CA6: variants seen among roughly 807,000 people sequenced by gnomAD.
CA6 encodes carbonic anhydrase 6.
CA6 carries 28 observed loss-of-function variants against 35.9 expected under a neutral mutation model. The observed-to-expected ratio is 0.78, with a 90% confidence interval of 0.58 to 1.07. The LOEUF (loss-of-function observed/expected upper bound fraction) is 1.07, where lower values mean the gene tolerates loss of function less well. CA6 is among the 50% of genes least tolerant of loss of function. The pLI is 0.00. For synonymous variants in CA6, 148 were observed against 152.6 expected (o/e 0.97, Z 0.22); for missense variants, 377 against 382.0 (o/e 0.99, Z 0.11).
chr1:8,964,523 C>T (rs189016561), intron 5 of CA6, among the ~76,000 whole-genome samples: 8 of 151,852 alleles, frequency 5.3e-5, no homozygotes, highest in East Asian at 3.9e-4. Context: ...TGGGATTACA[C>T]GCATGAGCCA....
At chr1:8,967,858 T>A in intron 6 of CA6, 42 bp downstream of exon 6, 1 of 1,590,978 alleles carries the variant, frequency 6.3e-7, no homozygotes, top group Non-Finnish European at 8.6e-7. Context: ...CCCATTCGAT[T>A]GCCTGGTTAA....
Position 8,957,156 on chromosome 1 carries a change from C to T in CA6, c.279C>T (p.Ser93=), listed in dbSNP as rs1426480798. The T allele has an allele frequency of 1.9e-6, 3 of 1,612,142 alleles. No individual in the cohort carries two copies. The highest frequency in any genetic ancestry group is 1.1e-5 in the South Asian group (1 of 90,862). ...CTCCAGTGCAGATCAGCCTGCCCTC[C>T]ACCATGCGCATGACAGTGGCTGACG... ...NGHTVQISLP[S]TMRMTVADGT... Residue 93 remains serine, a synonymous_variant, in exon 3 of 8, where the codon TCC becomes TCT. Coordinates refer to ENST00000377443, the MANE Select transcript of CA6 (RefSeq NM_001215.4).
intron 2 of CA6, among the ~76,000 whole-genome samples, chr1:8,950,445 T>C (rs1180115824): frequency 2.0e-5 from 3 of 152,094 alleles, no homozygotes; most frequent in Non-Finnish European, 4.4e-5. Context: ...GGCCACACAC[T>C]GTCTAATGGC....
chr1:8,958,169 CT>C (rs532321074), intron 3 of CA6, among the ~76,000 whole-genome samples: 1 of 151,068 alleles, frequency 6.6e-6, no homozygotes, highest in South Asian at 2.1e-4. Flanking sequence ...GTTAGATTTT[CT>C]TTTTTTTTGT....
intron 5 of CA6, among the ~76,000 whole-genome samples, chr1:8,965,886 CAAA>C (rs34739263): frequency 7.5e-6 from 1 of 133,714 alleles, no homozygotes; most frequent in African/African-American, 2.6e-5. Flanking sequence ...GACTCTGCTT[CAAA>C]AAAAAAAAAA....
chr1:8,967,121 C>A (rs1014337329), intron 5 of CA6, among the ~76,000 whole-genome samples: 1 of 152,178 alleles, frequency 6.6e-6, no homozygotes, highest in Non-Finnish European at 1.5e-5. Flanking sequence ...CTGCGCCTGG[C>A]CTGATTCTGC....
intron 2 of CA6, among the ~76,000 whole-genome samples, chr1:8,952,894 T>G (rs1380100038): frequency 6.6e-6 from 1 of 151,572 alleles, no homozygotes; most frequent in African/African-American, 2.4e-5. Context: ...TGACCTCAAG[T>G]CATCCGCCCA....
intron 6 of CA6, among the ~76,000 whole-genome samples, chr1:8,968,125 G>A (rs1387732176): frequency 6.6e-6 from 1 of 151,830 alleles, no homozygotes; most frequent in Non-Finnish European, 1.5e-5. Flanking sequence ...GTGCCACCAC[G>A]CCCGGCTAGT....
At chr1:8,960,687 A>T (rs1639815464) in intron 4 of CA6, among the ~76,000 whole-genome samples, 1 of 151,758 alleles carries the variant, frequency 6.6e-6, no homozygotes, top group Admixed American at 6.6e-5. Context: ...CAGAGAAAAA[A>T]GACAGAAGAA....
chr1:8,972,703 C>G (rs1412683316), intron 7 of CA6, among the ~76,000 whole-genome samples: 6 of 151,898 alleles, frequency 4.0e-5, no homozygotes, highest in African/African-American at 1.4e-4. Context: ...AACAAACAAA[C>G]AAACAAAAAA....
At position 8,957,289 on chromosome 1, in the gene CA6, C is replaced by A. The variant is rs758632598; in HGVS notation, c.408+4C>A. On this transcript the variant is annotated splice_donor_region_variant and intron_variant, in intron 3 of 7. Coordinates refer to ENST00000377443, the MANE Select transcript of CA6 (RefSeq NM_001215.4). Reference sequence around the variant, plus strand: ...CGGGATCAGACATGTGATCGAGGTACCTGAGGACCCCCACTGTGTCCTCTT... The same window carrying A: ...CGGGATCAGACATGTGATCGAGGTAACTGAGGACCCCCACTGTGTCCTCTT... 1.2e-6 allele frequency: 2 copies of A among 1,607,308 alleles called. No individual in the cohort carries two copies. The highest frequency in any genetic ancestry group is 1.3e-5 in the African/African-American group (1 of 74,738).
At chr1:8,949,200 G>A (rs1413210419) in intron 1 of CA6, 63 bp from the exon 2 acceptor site, 17 of 1,338,968 alleles carry the variant, frequency 1.3e-5, no homozygotes, top group Non-Finnish European at 1.4e-5. Flanking sequence ...CTCTGGCCTG[G>A]TGAGGTTCCT....
At chr1:8,958,712 C>T (rs978566022) in intron 3 of CA6, among the ~76,000 whole-genome samples, 198 bp from the exon 4 acceptor site, 1 of 152,168 alleles carries the variant, frequency 6.6e-6, no homozygotes, top group Non-Finnish European at 1.5e-5. Flanking sequence ...CTTGCTCTTT[C>T]CATTCTTGGG....
In CA6 at chr1:8,967,733, C is replaced by G. The variant is rs776820224; in HGVS notation, c.646C>G (p.His216Asp). 3.1e-6 allele frequency: 5 copies of G among 1,614,076 alleles called. No individual in the cohort carries two copies. The highest frequency in any genetic ancestry group is 4.2e-6 in the Non-Finnish European group (5 of 1,179,966). ...PRNLQHYYTY[H>D]GSLTTPPCTE... ...GAACCTCCAGCACTACTACACCTAC[C>G]ATGGCTCACTCACCACGCCTCCCTG... is the stretch of plus-strand genomic sequence containing the variant. Residue 216 changes from histidine (H) to aspartate (D), a missense_variant, in exon 6 of 8, where the codon CAT becomes GAT. Coordinates refer to ENST00000377443, the MANE Select transcript of CA6 (RefSeq NM_001215.4).
chr1:8,954,214 G>T (rs2124249920), intron 2 of CA6, among the ~76,000 whole-genome samples: 1 of 150,520 alleles, frequency 6.6e-6, no homozygotes, highest in African/African-American at 2.4e-5. Flanking sequence ...CTCTGAGGCT[G>T]GAGTGCAGTG....
chr1:8,967,851 A>G, intron 6 of CA6, 35 bp downstream of exon 6: 3 of 1,600,536 alleles, frequency 1.9e-6, no homozygotes, highest in Non-Finnish European at 1.7e-6. Context: ...AAGTCTTCCC[A>G]TTCGATTGCC....
intron 5 of CA6, among the ~76,000 whole-genome samples, chr1:8,966,025 A>G (rs1292334923): frequency 2.0e-5 from 3 of 152,176 alleles, no homozygotes; most frequent in Non-Finnish European, 4.4e-5. Flanking sequence ...ATATAGGTGT[A>G]CAAGTATCTC....
At chr1:8,957,007 A>T in intron 2 of CA6, 130 bp from the exon 3 acceptor site, 1 of 750,118 alleles carries the variant, frequency 1.3e-6, no homozygotes, top group Non-Finnish European at 2.0e-6. Context: ...ATGGCATTCT[A>T]AGCCAGTCTA....
At chr1:8,970,298 C>T (rs188285915) in intron 6 of CA6, among the ~76,000 whole-genome samples, 45 of 150,898 alleles carry the variant, frequency 3.0e-4, no homozygotes, top group African/African-American at 1.0e-3. Context: ...CTTCTTCTTT[C>T]TCTCCTTTCT....
Sources: gnomAD v4.1 joint callset for allele counts (sites outside exome capture counted in the v4.1 genomes callset) on GRCh38, gnomAD v4.1.1 for gene constraint, MANE v1.5 for transcripts, NCBI Gene and HGNC (gene_info 2026-07-23, HGNC 2026-07-21) for gene names.